The following ARID4B variants were observed in gnomAD, a reference collection of about 807,000 sequenced individuals.
The protein encoded by ARID4B is AT-rich interactive domain-containing protein 4B.
ARID4B carries 26 observed loss-of-function variants against 147.5 expected under a neutral mutation model. That is an observed-to-expected ratio of 0.18 (90% confidence interval 0.13 to 0.24). The LOEUF (loss-of-function observed/expected upper bound fraction) is 0.24. ARID4B is among the 10% of genes least tolerant of loss of function. The pLI is 1.00. For missense variants in ARID4B, 1,179 were observed against 1,511.5 expected, an observed-to-expected ratio of 0.78 and a Z score of 3.65; for synonymous variants, 512 against 507.9, an observed-to-expected ratio of 1.01 and a Z score of -0.11.
intron 14 of ARID4B, among the ~76,000 whole-genome samples, chr1:235,221,299 T>C (rs1285100644): frequency 2.0e-5 from 3 of 152,236 alleles, no homozygotes; most frequent in African/African-American, 4.8e-5. Flanking sequence ...GATTCAAATG[T>C]GGATTTACTT....
intron 16 of ARID4B, among the ~76,000 whole-genome samples, chr1:235,217,881 C>A (rs962597572): frequency 6.6e-6 from 1 of 152,078 alleles, no homozygotes; most frequent in Non-Finnish European, 1.5e-5. Flanking sequence ...GTCCAAGATC[C>A]CCAGTGGATG....
chr1:235,254,680 A>G (rs1669838999), intron 5 of ARID4B, among the ~76,000 whole-genome samples: 1 of 151,960 alleles, frequency 6.6e-6, no homozygotes, highest in African/African-American at 2.4e-5. Context: ...AACAGTTAAT[A>G]TCCAAAATAT....
chr1:235,243,657 C>T (rs1221439174), intron 7 of ARID4B, among the ~76,000 whole-genome samples: 1 of 152,074 alleles, frequency 6.6e-6, no homozygotes, highest in East Asian at 1.9e-4. Flanking sequence ...CCAAGGAATA[C>T]CAAATAATGA....
chr1:235,258,540 T>G (rs541967758), intron 3 of ARID4B, among the ~76,000 whole-genome samples: 3 of 152,114 alleles, frequency 2.0e-5, no homozygotes, highest in Non-Finnish European at 4.4e-5. Flanking sequence ...AATACTTAAT[T>G]AGCTGGTGAA....
intron 17 of ARID4B, among the ~76,000 whole-genome samples, chr1:235,199,435 T>TA (rs1295105043): frequency 1.3e-5 from 2 of 152,218 alleles, no homozygotes; most frequent in Non-Finnish European, 2.9e-5. Flanking sequence ...TTATCAAAAC[T>TA]AATAACTTTT....
At chr1:235,291,010 G>A (rs1243102256) in intron 2 of ARID4B, among the ~76,000 whole-genome samples, 2 of 152,212 alleles carry the variant, frequency 1.3e-5, no homozygotes. Context: ...GAGGTTGGAA[G>A]ATTGCTTGAG....
chr1:235,215,547 ATG>A (rs370429662), intron 16 of ARID4B, among the ~76,000 whole-genome samples: 2,424 of 136,432 alleles, frequency 0.018, 38 homozygotes, highest in African/African-American at 0.035. Flanking sequence ...ACACATATAT[ATG>A]TGTGTGTGTG....
chr1:235,290,419 T>C (rs1173720598), intron 2 of ARID4B, among the ~76,000 whole-genome samples: 2 of 144,368 alleles, frequency 1.4e-5, no homozygotes, highest in African/African-American at 5.0e-5. Flanking sequence ...GACGACAGAA[T>C]GAGATTCCAT....
At chr1:235,264,952 C>T (rs377310068) in intron 2 of ARID4B, among the ~76,000 whole-genome samples, 10 of 150,828 alleles carry the variant, frequency 6.6e-5, no homozygotes, top group African/African-American at 1.2e-4. Flanking sequence ...CCCAGCTACA[C>T]GGGAGGCTGA....
intron 17 of ARID4B, among the ~76,000 whole-genome samples, chr1:235,211,332 AGGAAGGAG>A (rs555096873): frequency 9.5e-4 from 144 of 152,264 alleles, no homozygotes; most frequent in African/African-American, 3.2e-3. Flanking sequence ...ACTCCGTGGA[AGGAAGGAG>A]GGAAGGAGGG....
intron 8 of ARID4B, among the ~76,000 whole-genome samples, chr1:235,238,153 A>AAAAAAGAAAG (rs61179792): frequency 7.1e-6 from 1 of 141,814 alleles, no homozygotes; most frequent in African/African-American, 2.8e-5. Flanking sequence ...CAAAAAAAAA[A>AAAAAAGAAAG]AAAAGAAAAG....
intron 9 of ARID4B, among the ~76,000 whole-genome samples, chr1:235,232,937 A>G (rs549948160): frequency 6.6e-6 from 1 of 152,120 alleles, no homozygotes; most frequent in African/African-American, 2.4e-5. Context: ...TCCCAGGTTC[A>G]AGCGATTCTC....
chr1:235,175,248 C>T lies in ARID4B; in HGVS notation c.3600G>A (p.Lys1200=). 2 of 1,614,140 alleles carry T rather than the reference C, an allele frequency of 1.2e-6. No homozygotes were observed. The highest frequency in any genetic ancestry group is 1.7e-6 in the Non-Finnish European group (2 of 1,180,026). The change falls in exon 22 of 24, where the codon AAG becomes AAA. Residue 1200 remains lysine, a synonymous_variant. Transcript: ENST00000264183. The stretch of plus-strand genomic sequence containing the variant: ...TACTGGGTTCCTTGAGATCAGGATC[C>T]TTATCACCATTCTTTCCACATTTTC... ...SPGKCGKNGD[K]DPDLKEPSNR...
intron 7 of ARID4B, among the ~76,000 whole-genome samples, chr1:235,242,519 AAGT>A (rs1326464646): frequency 6.6e-6 from 1 of 152,152 alleles, no homozygotes; most frequent in African/African-American, 2.4e-5. Flanking sequence ...TGCTTTCTCA[AAGT>A]AGCCACAGAA....
intron 2 of ARID4B, among the ~76,000 whole-genome samples, chr1:235,295,678 A>T (rs1672647677): frequency 6.7e-6 from 1 of 150,022 alleles, no homozygotes; most frequent in Non-Finnish European, 1.5e-5. Flanking sequence ...GGCATGGTGG[A>T]GGGTGCCTAT....
At chr1:235,280,872 G>A (rs1330932496) in intron 2 of ARID4B, among the ~76,000 whole-genome samples, 2 of 152,084 alleles carry the variant, frequency 1.3e-5, no homozygotes, top group African/African-American at 2.4e-5. Flanking sequence ...GTGTTGACCC[G>A]AGCACGTTTT....
intron 6 of ARID4B, among the ~76,000 whole-genome samples, chr1:235,248,275 C>T (rs1048724841): frequency 6.6e-6 from 1 of 152,136 alleles, no homozygotes; most frequent in Non-Finnish European, 1.5e-5. Context: ...GTCTCGAACT[C>T]CTGGGCTCAA....
chr1:235,294,315 T>A (rs2103221344), intron 2 of ARID4B, among the ~76,000 whole-genome samples: 1 of 145,752 alleles, frequency 6.9e-6, no homozygotes, highest in East Asian at 2.0e-4. Context: ...AGCAGCATTT[T>A]TTTTTTTTTT....
intron 8 of ARID4B, among the ~76,000 whole-genome samples, chr1:235,236,854 ATATATATATTT>A (rs1370456986): frequency 5.3e-5 from 2 of 38,010 alleles, no homozygotes; most frequent in East Asian, 1.7e-3. Context: ...ATATATATAT[ATATATATATTT>A]TTTTTTTTTT....
Sources: allele counts gnomAD v4.1 joint callset (sites outside exome capture counted in the v4.1 genomes callset), GRCh38; gene constraint gnomAD v4.1.1; transcripts MANE v1.5; gene names NCBI Gene and HGNC (gene_info 2026-07-23, HGNC 2026-07-21).